PDE10A: variants seen among roughly 807,000 people sequenced by gnomAD.
The protein encoded by PDE10A is cAMP and cAMP-inhibited cGMP 3',5'-cyclic phosphodiesterase 10A.
PDE10A carries 39 observed loss-of-function variants against 97.7 expected under a neutral mutation model. The observed-to-expected ratio is 0.40, with a 90% CI of 0.31 to 0.52. The LOEUF is 0.52. Among genes scored for constraint, PDE10A ranks in the 20% least tolerant of loss-of-function variants. The probability of loss-of-function intolerance (pLI) is 0.56; values close to 1 mark genes in which losing one functional copy is unlikely to be tolerated. For missense variants in PDE10A, 731 were observed against 1,047.8 expected, an observed-to-expected ratio of 0.70 and a Z score of 4.17; for synonymous variants, 371 against 376.8, an observed-to-expected ratio of 0.98 and a Z score of 0.18.
At chr6:165,488,315 T>C (rs1398152991) in intron 2 of PDE10A, among the ~76,000 whole-genome samples, 1 of 152,208 alleles carries the variant, frequency 6.6e-6, no homozygotes, top group African/African-American at 2.4e-5. Flanking sequence ...TTAATACCTT[T>C]TAAAAGCCTT....
chr6:165,876,922 C>T (rs554136546), intron 1 of PDE10A, among the ~76,000 whole-genome samples: 2 of 152,310 alleles, frequency 1.3e-5, no homozygotes, highest in South Asian at 2.1e-4. Context: ...GACTGAAATG[C>T]ACCATCCACA....
At chr6:165,638,576 A>G (rs1788986330) in intron 1 of PDE10A, among the ~76,000 whole-genome samples, 1 of 152,232 alleles carries the variant, frequency 6.6e-6, no homozygotes, top group Admixed American at 6.5e-5. Flanking sequence ...CAAACTTTAT[A>G]TTTTATATTG....
chr6:165,654,612 A>C (rs1309560464), intron 1 of PDE10A, among the ~76,000 whole-genome samples: 1 of 151,886 alleles, frequency 6.6e-6, no homozygotes, highest in Non-Finnish European at 1.5e-5. Flanking sequence ...TTCCTATTTC[A>C]TCAAGCTCCT....
At chr6:165,400,538 T>G (rs1393537460) in intron 13 of PDE10A, among the ~76,000 whole-genome samples, 1 of 152,110 alleles carries the variant, frequency 6.6e-6, no homozygotes, top group East Asian at 1.9e-4. Flanking sequence ...ACAAAAGATG[T>G]GAAAAGACAC....
At chr6:165,682,380 C>T (rs992045939) in intron 1 of PDE10A, among the ~76,000 whole-genome samples, 1 of 152,150 alleles carries the variant, frequency 6.6e-6, no homozygotes, top group African/African-American at 2.4e-5. Context: ...GCAATCCACC[C>T]GCCTCAGCTT....
intron 1 of PDE10A, among the ~76,000 whole-genome samples, chr6:165,687,854 A>C (rs1209415136): frequency 6.6e-6 from 1 of 152,196 alleles, no homozygotes; most frequent in African/African-American, 2.4e-5. Context: ...TTTAATCTTC[A>C]AACAGCCTGG....
intron 1 of PDE10A, among the ~76,000 whole-genome samples, chr6:165,570,517 A>G (rs1405646538): frequency 6.6e-6 from 1 of 152,224 alleles, no homozygotes; most frequent in Non-Finnish European, 1.5e-5. Context: ...TAATATCAAG[A>G]AAACAGCGTA....
intron 1 of PDE10A, among the ~76,000 whole-genome samples, chr6:165,597,620 C>T (rs1786678338): frequency 6.6e-6 from 1 of 152,164 alleles, no homozygotes; most frequent in Admixed American, 6.5e-5. Context: ...TAAACAAAGA[C>T]TTACGTGCAT....
rs143449948 is a variant in PDE10A at position 165,636,129 on chromosome 6, CTT to C, written c.865+25816_865+25817del. Among the ~76,000 whole-genome samples, 7 of 152,316 alleles carry C rather than the reference CTT, an allele frequency of 4.6e-5. No individual in the cohort carries two copies. In the South Asian group the frequency reaches 8.3e-4, roughly 18 times the overall value. ...ACATTTACATTTACATGGTTCCCCT[CTT>C]GTTTGCCTAGGACATATGATGCATA... On this transcript the variant is annotated intron_variant, in intron 1 of 21. Coordinates refer to ENST00000539869, the MANE Select transcript of PDE10A (RefSeq NM_001385079.1).
chr6:165,838,279 A>G (rs1053402630), intron 1 of PDE10A, among the ~76,000 whole-genome samples: 1 of 152,220 alleles, frequency 6.6e-6, no homozygotes, highest in Non-Finnish European at 1.5e-5. Context: ...TTTGGCCAAA[A>G]CAAAGTGAAG....
At chr6:165,915,626 G>A (rs781296697) in intron 1 of PDE10A, among the ~76,000 whole-genome samples, 3 of 152,150 alleles carry the variant, frequency 2.0e-5, no homozygotes, top group East Asian at 1.9e-4. Flanking sequence ...GAGATGAGCC[G>A]GTAAAGATCC....
chr6:165,843,551 C>G (rs74442293), intron 1 of PDE10A, among the ~76,000 whole-genome samples: 1 of 152,186 alleles, frequency 6.6e-6, no homozygotes, highest in Non-Finnish European at 1.5e-5. Flanking sequence ...CTGCTGGCTG[C>G]GTCCTCAATG....
At chr6:165,833,238 G>A (rs898939764) in intron 1 of PDE10A, among the ~76,000 whole-genome samples, 8 of 152,128 alleles carry the variant, frequency 5.3e-5, no homozygotes, top group Admixed American at 5.2e-4. Context: ...ATTGTATGGC[G>A]TTCAGAGGTC....
intron 1 of PDE10A, among the ~76,000 whole-genome samples, chr6:165,868,501 G>A (rs2498578): frequency 0.79 from 120,564 of 151,940 alleles, 48,252 homozygotes; most frequent in East Asian, 0.96. Flanking sequence ...AAAAGTAACA[G>A]GATTGAATCA....
intron 1 of PDE10A, among the ~76,000 whole-genome samples, chr6:165,611,122 C>T (rs924004812): frequency 1.8e-4 from 27 of 151,716 alleles, no homozygotes; most frequent in Admixed American, 7.2e-4. Context: ...CTTTTGACTG[C>T]AAGAAACAAA....
At position 165,432,853 on chromosome 6, in the gene PDE10A, T is replaced by C. The variant is rs577698194; in HGVS notation, c.1491+121A>G. ...TAGTATCAAAACACTGTTAAGCAAA[T>C]TGTGATTTTAAATATTAATTCATGT... On this transcript the variant is annotated intron_variant, in intron 7 of 21. Coordinates refer to ENST00000539869, the MANE Select transcript of PDE10A (RefSeq NM_001385079.1). The C allele has an allele frequency of 4.0e-4, 284 of 711,600 alleles. 1 individual carries two copies. The highest frequency in any genetic ancestry group is 1.9e-3 in the South Asian group (89 of 47,008). 44.1% of individuals were successfully genotyped at this position (711,600 alleles called of 1,614,324 possible).
chr6:165,471,607 C>T (rs1187022531), intron 3 of PDE10A, among the ~76,000 whole-genome samples: 2 of 152,102 alleles, frequency 1.3e-5, no homozygotes, highest in African/African-American at 2.4e-5. Flanking sequence ...CCATGGAGGG[C>T]CTCCCAGCCT....
rs75165950 is a variant in PDE10A at position 165,403,190 on chromosome 6, G to C, written c.2077-6731C>G. ...GACTGTGAAGCTCTCAGCGCTATCA[G>C]CAACCGTTATCTTAGATGGGTATCA... On this transcript the variant is annotated intron_variant, in intron 13 of 21. Coordinates refer to ENST00000539869, the MANE Select transcript of PDE10A (RefSeq NM_001385079.1). 5.8e-3 allele frequency among the ~76,000 whole-genome samples: 888 copies of C among 152,302 alleles called. 10 individuals carry two copies. The highest frequency in any genetic ancestry group is 0.02 in the African/African-American group (839 of 41,572).
chr6:165,925,482 A>G (rs1782905641), intron 1 of PDE10A, among the ~76,000 whole-genome samples: 1 of 152,250 alleles, frequency 6.6e-6, no homozygotes, highest in Non-Finnish European at 1.5e-5. Flanking sequence ...AAAACACTGG[A>G]AATAACCCAA....
Sources: allele counts gnomAD v4.1 joint callset (sites outside exome capture counted in the v4.1 genomes callset), GRCh38; gene constraint gnomAD v4.1.1; transcripts MANE v1.5; gene names NCBI Gene and HGNC (gene_info 2026-07-23, HGNC 2026-07-21).